SEMA3A: variants seen among roughly 807,000 people sequenced by gnomAD.
SEMA3A encodes semaphorin 3A.
In SEMA3A, 29 loss-of-function variants were observed where a neutral mutation model predicts 97.9. The ratio of observed to expected loss-of-function variants is 0.30; its 90% CI spans 0.22 to 0.40. The LOEUF (loss-of-function observed/expected upper bound fraction) is 0.40. SEMA3A is among the 10% of genes least tolerant of loss of function. SEMA3A has a pLI of 1.00. For missense variants in SEMA3A, 763 were observed against 951.3 expected (o/e 0.80, Z 2.60); for synonymous variants, 321 against 323.7 (o/e 0.99, Z 0.09).
At chr7:84,404,370 G>C (rs937859555) in intron 1 of SEMA3A, among the ~76,000 whole-genome samples, 1 of 152,114 alleles carries the variant, frequency 6.6e-6, no homozygotes, top group Non-Finnish European at 1.5e-5. Flanking sequence ...AACGAACAAA[G>C]CCTCCAAGAA....
At chr7:84,264,248 G>A (rs112030435) in intron 3 of SEMA3A, among the ~76,000 whole-genome samples, 2 of 152,124 alleles carry the variant, frequency 1.3e-5, no homozygotes, top group African/African-American at 4.8e-5. Flanking sequence ...TTAACCCGAT[G>A]ATTCCAGAAT....
chr7:83,998,126 A>G (rs1422672971), intron 12 of SEMA3A, among the ~76,000 whole-genome samples: 1 of 151,910 alleles, frequency 6.6e-6, no homozygotes, highest in Non-Finnish European at 1.5e-5. Flanking sequence ...AAAAAAAAAA[A>G]TCTAATAGAT....
chr7:84,322,833 A>G (rs1801681952), intron 2 of SEMA3A, among the ~76,000 whole-genome samples: 1 of 152,224 alleles, frequency 6.6e-6, no homozygotes, highest in Non-Finnish European at 1.5e-5. Flanking sequence ...AGTCATGTTT[A>G]AAGTCCATAC....
At chr7:84,355,773 G>A (rs1802544550) in intron 2 of SEMA3A, among the ~76,000 whole-genome samples, 1 of 151,688 alleles carries the variant, frequency 6.6e-6, no homozygotes, top group Non-Finnish European at 1.5e-5. Context: ...AAAACTGAAG[G>A]AAATTAAAAA....
intron 2 of SEMA3A, among the ~76,000 whole-genome samples, chr7:84,366,246 C>T (rs1017557360): frequency 6.6e-6 from 1 of 151,248 alleles, no homozygotes; most frequent in Admixed American, 6.6e-5. Context: ...AAACTTACAA[C>T]ATCATATATT....
chr7:84,073,638 A>G (rs1793828214), intron 4 of SEMA3A, among the ~76,000 whole-genome samples: 1 of 152,058 alleles, frequency 6.6e-6, no homozygotes. Context: ...TCTGACAGGG[A>G]TGATTTAGAG....
intron 2 of SEMA3A, among the ~76,000 whole-genome samples, chr7:84,353,704 C>A (rs1206371848): frequency 2.0e-5 from 3 of 151,678 alleles, no homozygotes; most frequent in Non-Finnish European, 4.4e-5. Flanking sequence ...ATGCTATTTA[C>A]AGAATCTGAA....
At chr7:84,124,277 G>T (rs1406341688) in intron 3 of SEMA3A, among the ~76,000 whole-genome samples, 1 of 152,112 alleles carries the variant, frequency 6.6e-6, no homozygotes, top group Non-Finnish European at 1.5e-5. Flanking sequence ...TTGTTTAAAG[G>T]CACTTCATTT....
intron 2 of SEMA3A, among the ~76,000 whole-genome samples, chr7:84,317,011 C>CTGG (rs1166677699): frequency 6.6e-6 from 1 of 152,008 alleles, no homozygotes; most frequent in Admixed American, 6.6e-5. Context: ...ATACTATTAG[C>CTGG]TGGTACCCAT....
chr7:84,393,665 C>G (rs1016121161), intron 1 of SEMA3A, among the ~76,000 whole-genome samples: 5 of 152,106 alleles, frequency 3.3e-5, no homozygotes, highest in African/African-American at 1.2e-4. Context: ...ATCTCTAAAA[C>G]ATGAGTTGTC....
At chr7:84,045,209 C>T (rs1583864935) in intron 6 of SEMA3A, among the ~76,000 whole-genome samples, 1 of 151,868 alleles carries the variant, frequency 6.6e-6, no homozygotes, top group African/African-American at 2.4e-5. Context: ...GGCAGGAAAA[C>T]TAAGTGTGGC....
intron 1 of SEMA3A, among the ~76,000 whole-genome samples, chr7:84,153,525 AAAATATGAAAAGATGCATGTTTT>A (rs1039517678): frequency 6.6e-6 from 1 of 152,178 alleles, no homozygotes; most frequent in African/African-American, 2.4e-5. Context: ...GAAACAGCGT[AAAATATGAAAAGATGCATGTTTT>A]AATCTCTATG....
intron 3 of SEMA3A, among the ~76,000 whole-genome samples, chr7:84,279,474 A>G (rs574283190): frequency 1.6e-4 from 25 of 152,174 alleles, no homozygotes; most frequent in African/African-American, 5.8e-4. Context: ...TCAAGATTGT[A>G]GAAGTTAAGG....
At chr7:84,337,999 T>C (rs1037698715) in intron 2 of SEMA3A, among the ~76,000 whole-genome samples, 6 of 152,134 alleles carry the variant, frequency 3.9e-5, no homozygotes, top group African/African-American at 1.2e-4. Context: ...AAAAGCTTTA[T>C]GTTATCCACA....
intron 6 of SEMA3A, among the ~76,000 whole-genome samples, chr7:84,018,672 T>C (rs1006972028): frequency 6.6e-6 from 1 of 152,098 alleles, no homozygotes. Flanking sequence ...AGGAATGCAT[T>C]TGCAAAATCA....
intron 6 of SEMA3A, among the ~76,000 whole-genome samples, chr7:84,037,605 G>A (rs757287113): frequency 2.0e-4 from 31 of 151,946 alleles, no homozygotes; most frequent in Non-Finnish European, 3.5e-4. Flanking sequence ...ATTAGCCTAC[G>A]TTAAATCTAA....
At chr7:84,256,450 TA>T (rs148298075) in intron 3 of SEMA3A, among the ~76,000 whole-genome samples, 2,625 of 152,166 alleles carry the variant, frequency 0.017, 76 homozygotes, top group African/African-American at 0.06. Flanking sequence ...TTATTTTATC[TA>T]AAAATACTGT....
At chr7:84,387,461 G>C (rs527614399) in intron 1 of SEMA3A, among the ~76,000 whole-genome samples, 388 of 152,222 alleles carry the variant, frequency 2.5e-3, no homozygotes, top group Non-Finnish European at 3.4e-3. Flanking sequence ...AAAAGGTTAG[G>C]AGAAGCACAG....
At chr7:84,338,120 AC>A (rs1229756591) in intron 2 of SEMA3A, among the ~76,000 whole-genome samples, 2 of 151,726 alleles carry the variant, frequency 1.3e-5, no homozygotes, top group East Asian at 3.9e-4. Context: ...ATGTGCATAT[AC>A]TGAGTATATG....
Sources: allele counts gnomAD v4.1 joint callset (sites outside exome capture counted in the v4.1 genomes callset), GRCh38; gene constraint gnomAD v4.1.1; transcripts MANE v1.5; gene names NCBI Gene and HGNC (gene_info 2026-07-23, HGNC 2026-07-21).